The following SEMA3C variants were observed in gnomAD, a reference collection of about 807,000 sequenced individuals.
The protein encoded by SEMA3C is semaphorin-3C.
In SEMA3C, 47 loss-of-function variants were observed where a neutral mutation model predicts 89.4. The ratio of observed to expected loss-of-function variants is 0.53; its 90% CI spans 0.42 to 0.67. SEMA3C has a LOEUF of 0.67. Among genes scored for constraint, SEMA3C ranks in the 30% least tolerant of loss-of-function variants. The pLI is 0.00. For missense variants in SEMA3C, 839 were observed against 929.1 expected (o/e 0.90, Z 1.26); for synonymous variants, 310 against 320.2 (o/e 0.97, Z 0.34).
chr7:80,804,152 T>C lies in SEMA3C; in HGVS notation c.755A>G (p.Asn252Ser), dbSNP rs1001591024. Residue 252 changes from asparagine (N) to serine (S), a missense_variant, in exon 8 of 18, where the codon AAC becomes AGC. Physicochemically the swap from Asn to Ser is conservative, Grantham distance 46 (BLOSUM62 1). Coordinates refer to ENST00000265361, the MANE Select transcript of SEMA3C (RefSeq NM_006379.5). ...GGAATGAATCTGTTTCGTGCTCCTG[T>C]TATTGTCAGTCAGTTTTTCTTTGAA... is the stretch of plus-strand genomic sequence containing the variant. Reference protein sequence around the residue: ...FFFKEKLTDNNRSTKQIHSMI... With the variant: ...FFFKEKLTDNSRSTKQIHSMI... The C allele has an allele frequency of 1.2e-6, 2 of 1,613,066 alleles. No homozygotes were observed. Among genetic ancestry groups the C allele is most frequent in the African/African-American group, 1.3e-5 (1 of 75,006 alleles).
rs1241989239 is a variant in SEMA3C, at chr7:80,789,652, A to G, written c.1132-124T>C. The G allele has an allele frequency of 6.1e-6, 4 of 650,818 alleles. No individual in the cohort carries two copies. In the Admixed American group the frequency reaches 9.0e-5, roughly 15 times the overall value. 40.3% of individuals were successfully genotyped at this position (650,818 alleles called of 1,614,324 possible). ...GTTGTTTTAAGTATATCTGCTACCT[A>G]TGGAAGTGAAAAGAAATAACATGAT... is the stretch of plus-strand genomic sequence containing the variant. On this transcript the variant is annotated intron_variant, in intron 11 of 17. Transcript: ENST00000265361.
At chr7:80,775,558 A>G (rs975677023) in intron 12 of SEMA3C, among the ~76,000 whole-genome samples, 15 of 152,232 alleles carry the variant, frequency 9.9e-5, no homozygotes, top group Non-Finnish European at 2.1e-4. Flanking sequence ...TTTTATCTAC[A>G]AATCTAAAAA....
Position 80,916,830 on chromosome 7 carries a change from G to A in SEMA3C, c.-38-11C>T, listed in dbSNP as rs763585338. 5 of 1,605,446 alleles carry A rather than the reference G, an allele frequency of 3.1e-6. No individual in the cohort carries two copies. Among genetic ancestry groups the A allele is most frequent in the Non-Finnish European group, 4.2e-6 (5 of 1,176,504 alleles). On this transcript the variant is annotated splice_polypyrimidine_tract_variant and intron_variant, in intron 1 of 17. Coordinates refer to ENST00000265361, the MANE Select transcript of SEMA3C (RefSeq NM_006379.5). ...TCCAAGGGAAAATACCTTTAAGAGA[G>A]AGACAACATGTTTGTTATATCTCAT...
intron 2 of SEMA3C, among the ~76,000 whole-genome samples, chr7:80,891,525 C>CA (rs746854137): frequency 1.0e-3 from 150 of 144,222 alleles, no homozygotes; most frequent in African/African-American, 2.8e-3. Context: ...AGAATGGTAA[C>CA]AAAAAAAAAA....
At chr7:80,783,793 A>G (rs1049484477) in intron 12 of SEMA3C, among the ~76,000 whole-genome samples, 1 of 152,196 alleles carries the variant, frequency 6.6e-6, no homozygotes, top group Non-Finnish European at 1.5e-5. Context: ...CATATGTGAC[A>G]CACACTTCAA....
chr7:80,803,090 T>C (rs1789247959), intron 8 of SEMA3C, among the ~76,000 whole-genome samples: 2 of 152,212 alleles, frequency 1.3e-5, no homozygotes, highest in Non-Finnish European at 1.5e-5. Context: ...AAATAGATCA[T>C]TTAATCTGCC....
intron 2 of SEMA3C, among the ~76,000 whole-genome samples, chr7:80,909,722 C>A (rs1161720367): frequency 6.6e-6 from 1 of 152,010 alleles, no homozygotes; most frequent in Non-Finnish European, 1.5e-5. Flanking sequence ...GCACATCAAA[C>A]GAGCTCTTGA....
chr7:80,776,274 CAAA>C (rs796559281), intron 12 of SEMA3C, among the ~76,000 whole-genome samples: 1 of 116,940 alleles, frequency 8.6e-6, no homozygotes, highest in Non-Finnish European at 1.9e-5. Context: ...AAGTAAATTA[CAAA>C]AAAAAAAAAA....
In SEMA3C at chr7:80,745,198, T is replaced by G; in HGVS notation, c.1952A>C (p.Lys651Thr). The G allele has an allele frequency of 6.2e-7, 1 of 1,614,064 alleles. No individual in the cohort carries two copies. The highest frequency in any genetic ancestry group is 8.5e-7 in the Non-Finnish European group (1 of 1,180,008). Residue 651 changes from lysine to threonine, a missense_variant, in exon 18 of 18, where the codon AAG becomes ACG. Transcript: ENST00000265361. ...GAAGTTGATCTTGGCTATGGTCTGC[T>G]TGAAACTATTTTCTGTAGCAATGCA... The part of the protein sequence containing the change: ...YHCIATENSF[K>T]QTIAKINFKV...
chr7:80,828,229 T>C (rs921459260), intron 3 of SEMA3C, among the ~76,000 whole-genome samples: 2 of 152,204 alleles, frequency 1.3e-5, no homozygotes, highest in Non-Finnish European at 2.9e-5. Flanking sequence ...TAATAGCTGT[T>C]TTCCTTTCAG....
At chr7:80,914,753 T>A (rs1312010857) in intron 2 of SEMA3C, among the ~76,000 whole-genome samples, 1 of 152,160 alleles carries the variant, frequency 6.6e-6, no homozygotes, top group African/African-American at 2.4e-5. Context: ...AAGTTACAAA[T>A]CAAGGCAAGT....
intron 2 of SEMA3C, among the ~76,000 whole-genome samples, chr7:80,865,999 C>T (rs892737003): frequency 6.6e-6 from 1 of 152,072 alleles, no homozygotes; most frequent in African/African-American, 2.4e-5. Context: ...TTGTCTATCA[C>T]TTGTAGTGCC....
chr7:80,890,341 C>A (rs1166012915), intron 2 of SEMA3C, among the ~76,000 whole-genome samples: 1 of 151,980 alleles, frequency 6.6e-6, no homozygotes, highest in African/African-American at 2.4e-5. Flanking sequence ...TTGGTTGTGG[C>A]CCCCTTTTCA....
At chr7:80,891,675 T>C (rs1791617643) in intron 2 of SEMA3C, among the ~76,000 whole-genome samples, 1 of 152,142 alleles carries the variant, frequency 6.6e-6, no homozygotes, top group Non-Finnish European at 1.5e-5. Context: ...AATTATTTTA[T>C]TGAGTCCTGG....
intron 2 of SEMA3C, among the ~76,000 whole-genome samples, chr7:80,863,932 TCA>T (rs1037901899): frequency 4.0e-5 from 5 of 125,870 alleles, no homozygotes; most frequent in Admixed American, 7.7e-5. Flanking sequence ...ATCATATATA[TCA>T]CATATATAAT....
intron 2 of SEMA3C, among the ~76,000 whole-genome samples, chr7:80,840,543 A>AGC (rs1217301376): frequency 7.3e-6 from 1 of 136,216 alleles, no homozygotes; most frequent in Non-Finnish European, 1.6e-5. Flanking sequence ...AAAAAAAAAA[A>AGC]GAGCGAGAGA....
At chr7:80,783,764 C>A (rs2117097445) in intron 12 of SEMA3C, among the ~76,000 whole-genome samples, 3 of 152,310 alleles carry the variant, frequency 2.0e-5, no homozygotes. Context: ...ACAAGGCAAG[C>A]ATTTTAAAGC....
intron 4 of SEMA3C, among the ~76,000 whole-genome samples, chr7:80,820,636 T>C (rs1000626604): frequency 6.6e-6 from 1 of 152,190 alleles, no homozygotes; most frequent in African/African-American, 2.4e-5. Flanking sequence ...CCATACACTT[T>C]ATTTTTAAGA....
At chr7:80,752,135 C>T (rs1787949879) in intron 15 of SEMA3C, among the ~76,000 whole-genome samples, 2 of 152,156 alleles carry the variant, frequency 1.3e-5, no homozygotes, top group South Asian at 2.1e-4. Context: ...AATATTTCAA[C>T]ATAACAATAT....
Sources: gnomAD v4.1 joint callset for allele counts (sites outside exome capture counted in the v4.1 genomes callset) on GRCh38, gnomAD v4.1.1 for gene constraint, MANE v1.5 for transcripts, NCBI Gene and HGNC (gene_info 2026-07-23, HGNC 2026-07-21) for gene names.